Variants in AGBL1 observed in about 807,000 individuals in gnomAD.
The protein encoded by AGBL1 is AGBL carboxypeptidase 1.
AGBL1 carries 130 observed loss-of-function variants against 118.9 expected under a neutral mutation model. The ratio of observed to expected loss-of-function variants is 1.09; its 90% CI spans 0.95 to 1.26. The LOEUF is 1.26. Ranked by LOEUF, AGBL1 falls within the 50% of genes most tolerant of loss-of-function variation. AGBL1 has a pLI of 0.00. For synonymous variants in AGBL1, 555 were observed against 478.9 expected (o/e 1.16, Z -2.08); for missense variants, 1,584 against 1,298.1 (o/e 1.22, Z -3.38).
intron 24 of AGBL1, among the ~76,000 whole-genome samples, chr15:87,020,312 T>A (rs887595632): frequency 8.5e-5 from 13 of 152,112 alleles, no homozygotes; most frequent in African/African-American, 3.1e-4. Flanking sequence ...CCTGTCATGT[T>A]AAAAACTCTC....
chr15:86,785,369 T>TG (rs569158555), intron 22 of AGBL1, among the ~76,000 whole-genome samples: 11 of 137,412 alleles, frequency 8.0e-5, no homozygotes, highest in Admixed American at 3.0e-4. Flanking sequence ...TCTTTTTTTT[T>TG]TTTTTTTTTG....
chr15:86,170,264 G>C (rs2077395899), intron 5 of AGBL1, among the ~76,000 whole-genome samples: 1 of 152,174 alleles, frequency 6.6e-6, no homozygotes, highest in Admixed American at 6.5e-5. Flanking sequence ...AGATGTGGCA[G>C]AAGAGAAGAT....
intron 21 of AGBL1, among the ~76,000 whole-genome samples, chr15:86,589,092 A>C (rs1241968906): frequency 6.6e-6 from 1 of 152,106 alleles, no homozygotes; most frequent in African/African-American, 2.4e-5. Context: ...TGAATAACTT[A>C]CGATGGTTGA....
intron 18 of AGBL1, among the ~76,000 whole-genome samples, chr15:86,456,864 C>G (rs1460498730): frequency 6.6e-6 from 1 of 151,986 alleles, no homozygotes; most frequent in East Asian, 1.9e-4. Flanking sequence ...GACTTTATAA[C>G]CTTTGCTATT....
chr15:86,115,309 C>T (rs199901631), intron 1 of AGBL1, among the ~76,000 whole-genome samples: 1 of 152,160 alleles, frequency 6.6e-6, no homozygotes, highest in Non-Finnish European at 1.5e-5. Context: ...CTAGTCTAGA[C>T]CTGCCTGGTA....
chr15:86,986,052 T>C (rs1277275748), intron 23 of AGBL1, among the ~76,000 whole-genome samples: 1 of 152,062 alleles, frequency 6.6e-6, no homozygotes, highest in Non-Finnish European at 1.5e-5. Flanking sequence ...GACTCCCAAG[T>C]AGCTGGGATT....
At chr15:86,550,523 G>C (rs2083649887) in intron 20 of AGBL1, among the ~76,000 whole-genome samples, 1 of 152,042 alleles carries the variant, frequency 6.6e-6, no homozygotes, top group South Asian at 2.1e-4. Context: ...AATATTACTA[G>C]AGCTAAGGGT....
intron 23 of AGBL1, among the ~76,000 whole-genome samples, chr15:86,972,515 T>C (rs1294861722): frequency 6.6e-6 from 1 of 152,066 alleles, no homozygotes; most frequent in African/African-American, 2.4e-5. Flanking sequence ...AACTTCTGAT[T>C]TGAAAATAAG....
intron 1 of AGBL1, among the ~76,000 whole-genome samples, chr15:86,133,430 C>T (rs1490123889): frequency 6.6e-6 from 1 of 152,190 alleles, no homozygotes; most frequent in South Asian, 2.1e-4. Flanking sequence ...TCACAATAAA[C>T]CCGGCACCTA....
At chr15:86,460,960 T>C (rs1172363122) in intron 18 of AGBL1, among the ~76,000 whole-genome samples, 1 of 152,192 alleles carries the variant, frequency 6.6e-6, no homozygotes, top group Non-Finnish European at 1.5e-5. Flanking sequence ...GAACTGGCGG[T>C]TCAGTACCCA....
intron 21 of AGBL1, among the ~76,000 whole-genome samples, chr15:86,660,666 C>T (rs1321793339): frequency 6.6e-6 from 1 of 151,960 alleles, no homozygotes; most frequent in African/African-American, 2.4e-5. Flanking sequence ...AATCTCATTG[C>T]TTTTAAGACC....
chr15:86,585,148 T>C (rs2084227178), intron 21 of AGBL1, among the ~76,000 whole-genome samples: 1 of 152,194 alleles, frequency 6.6e-6, no homozygotes, highest in Admixed American at 6.5e-5. Context: ...TTTGACTTCT[T>C]CTTTTCCTTT....
intron 22 of AGBL1, among the ~76,000 whole-genome samples, chr15:86,816,065 A>G (rs1300289525): frequency 2.0e-5 from 3 of 152,206 alleles, no homozygotes; most frequent in Non-Finnish European, 4.4e-5. Context: ...CAGTAAGAAG[A>G]TAAGGCAGGA....
At chr15:86,494,247 T>C (rs1555418713) in intron 18 of AGBL1, among the ~76,000 whole-genome samples, 1 of 152,116 alleles carries the variant, frequency 6.6e-6, no homozygotes, top group Non-Finnish European at 1.5e-5. Flanking sequence ...GGGTCATGTT[T>C]GTAACAGAAG....
intron 23 of AGBL1, among the ~76,000 whole-genome samples, chr15:86,959,562 CT>C (rs1422301319): frequency 3.3e-5 from 5 of 152,034 alleles, no homozygotes; most frequent in African/African-American, 1.2e-4. Context: ...CCAAAGTCTT[CT>C]TTTTTTCTTT....
At chr15:86,338,603 G>C (rs561559437) in intron 17 of AGBL1, among the ~76,000 whole-genome samples, 6 of 152,140 alleles carry the variant, frequency 3.9e-5, no homozygotes, top group African/African-American at 1.2e-4. Context: ...ACAAAGGTAG[G>C]GGGGTGGCTG....
intron 18 of AGBL1, among the ~76,000 whole-genome samples, chr15:86,443,002 G>A (rs1409067586): frequency 6.6e-6 from 1 of 152,204 alleles, no homozygotes; most frequent in East Asian, 1.9e-4. Context: ...GGGTGTTACT[G>A]CTATTCTGTC....
intron 22 of AGBL1, among the ~76,000 whole-genome samples, chr15:86,684,433 C>T (rs1333787306): frequency 6.6e-6 from 1 of 151,536 alleles, no homozygotes; most frequent in Non-Finnish European, 1.5e-5. Flanking sequence ...ATGAAGTCCT[C>T]ACTTTAGTTA....
chr15:86,802,528 C>T (rs1054044338), intron 22 of AGBL1, among the ~76,000 whole-genome samples: 2 of 152,118 alleles, frequency 1.3e-5, no homozygotes, highest in African/African-American at 4.8e-5. Flanking sequence ...TAATTCTACC[C>T]TCTTTATTTT....
Sources: gnomAD v4.1 joint callset for allele counts (sites outside exome capture counted in the v4.1 genomes callset) on GRCh38, gnomAD v4.1.1 for gene constraint, MANE v1.5 for transcripts, NCBI Gene and HGNC (gene_info 2026-07-23, HGNC 2026-07-21) for gene names.